DOCK3: variants seen among roughly 807,000 people sequenced by gnomAD.
The protein encoded by DOCK3 is dedicator of cytokinesis 3, also known as dedicator of cytokinesis protein 3.
A neutral mutation model predicts 265.6 loss-of-function variants in DOCK3; 60 were observed. The observed-to-expected ratio is 0.23, with a 90% CI of 0.18 to 0.28. DOCK3 has a LOEUF of 0.28. DOCK3 is among the 10% of genes least tolerant of loss of function. The pLI is 1.00. For synonymous variants in DOCK3, 881 were observed against 938.0 expected, an observed-to-expected ratio of 0.94 and a Z score of 1.11; for missense variants, 1,981 against 2,594.3, an observed-to-expected ratio of 0.76 and a Z score of 5.14.
intron 2 of DOCK3, among the ~76,000 whole-genome samples, chr3:50,782,821 G>A (rs541327692): frequency 3.3e-5 from 5 of 151,434 alleles, no homozygotes; most frequent in African/African-American, 1.2e-4. Flanking sequence ...CCCAAAGTCC[G>A]TTGTATCATG....
At chr3:50,938,895 A>AAT (rs1553708872) in intron 5 of DOCK3, among the ~76,000 whole-genome samples, 160 of 151,816 alleles carry the variant, frequency 1.1e-3, no homozygotes, top group African/African-American at 3.7e-3. Flanking sequence ...TGTAAAAAAA[A>AAT]AATAATAATA....
intron 21 of DOCK3, among the ~76,000 whole-genome samples, chr3:51,238,965 G>C (rs1046809447): frequency 1.3e-5 from 2 of 152,094 alleles, no homozygotes; most frequent in Non-Finnish European, 2.9e-5. Context: ...ATTACTTTGG[G>C]TTTATATACA....
chr3:50,971,237 G>A (rs2077224949), intron 5 of DOCK3, among the ~76,000 whole-genome samples: 1 of 151,534 alleles, frequency 6.6e-6, no homozygotes, highest in Admixed American at 6.6e-5. Flanking sequence ...TCCTTTGGGG[G>A]TGTTGTAATG....
In DOCK3 at chr3:51,350,128, C is replaced by T. The variant is rs138918488; in HGVS notation, c.4003-160C>T. 2.1e-3 allele frequency among the ~76,000 whole-genome samples: 316 copies of T among 152,252 alleles called. 3 individuals are homozygous for T. Among genetic ancestry groups the T allele is most frequent in the African/African-American group, 7.4e-3 (309 of 41,550 alleles). ...GGCTTTCTCTTCCATGATGAAACTC[C>T]CTGGAGAGAGGCTGGTCATGTCTAG... On this transcript the variant is annotated intron_variant, in intron 39 of 52. Transcript: ENST00000266037.
chr3:51,338,476 A>C (rs907018876), intron 36 of DOCK3, 57 bp downstream of exon 36: 12 of 1,543,758 alleles, frequency 7.8e-6, no homozygotes, highest in African/African-American at 6.9e-5. Flanking sequence ...TCTGTCCTGC[A>C]CTGTGATTGG....
intron 9 of DOCK3, among the ~76,000 whole-genome samples, chr3:51,101,152 C>T (rs1358344969): frequency 2.3e-5 from 3 of 127,772 alleles, no homozygotes; most frequent in African/African-American, 9.1e-5. Flanking sequence ...CTCACTCTGT[C>T]GCCCAGGCCG....
intron 46 of DOCK3, 122 bp downstream of exon 46, chr3:51,358,199 G>T (rs2086492408): frequency 1.1e-6 from 1 of 929,992 alleles, no homozygotes; most frequent in Non-Finnish European, 1.6e-6. Flanking sequence ...GGGTTGGGGA[G>T]AGAGGCTGTC....
chr3:51,316,502 T>A (rs541865378), intron 32 of DOCK3, among the ~76,000 whole-genome samples: 4 of 152,244 alleles, frequency 2.6e-5, no homozygotes, highest in Admixed American at 6.5e-5. Context: ...TTGTTGGGCC[T>A]TGTGACAAGT....
intron 2 of DOCK3, among the ~76,000 whole-genome samples, chr3:50,839,983 A>T (rs904908658): frequency 6.6e-6 from 1 of 151,286 alleles, no homozygotes; most frequent in Non-Finnish European, 1.5e-5. Flanking sequence ...TGGTCAGGCT[A>T]GTCTCAAACT....
At chr3:50,961,095 A>G (rs1230934562) in intron 5 of DOCK3, among the ~76,000 whole-genome samples, 1 of 152,200 alleles carries the variant, frequency 6.6e-6, no homozygotes, top group Non-Finnish European at 1.5e-5. Context: ...GTAGGTAAAT[A>G]TAGTAAGTGT....
chr3:51,034,513 A>G (rs1575830837), intron 5 of DOCK3, among the ~76,000 whole-genome samples: 1 of 152,122 alleles, frequency 6.6e-6, no homozygotes, highest in Admixed American at 6.5e-5. Flanking sequence ...TGTGATGAGT[A>G]TATTTATAAA....
intron 12 of DOCK3, among the ~76,000 whole-genome samples, chr3:51,198,145 G>A (rs529993878): frequency 8.5e-5 from 13 of 152,332 alleles, no homozygotes; most frequent in East Asian, 3.9e-4. Context: ...CAAAGGCTGC[G>A]TTTGAAAATG....
chr3:51,202,504 G>T (rs1430235858), intron 12 of DOCK3, among the ~76,000 whole-genome samples: 69 of 152,166 alleles, frequency 4.5e-4, no homozygotes, highest in Middle Eastern at 3.4e-3. Context: ...AATAACAGGA[G>T]CTGAAATTGT....
intron 5 of DOCK3, among the ~76,000 whole-genome samples, chr3:50,993,073 A>G (rs1413449848): frequency 1.3e-5 from 2 of 152,182 alleles, no homozygotes; most frequent in African/African-American, 2.4e-5. Flanking sequence ...CATCTCCTCA[A>G]TCCCTTGGGG....
intron 5 of DOCK3, among the ~76,000 whole-genome samples, chr3:50,982,810 G>A (rs2077742803): frequency 6.6e-6 from 1 of 152,200 alleles, no homozygotes; most frequent in African/African-American, 2.4e-5. Context: ...GCCCAGCAAG[G>A]GGACCTGGAG....
intron 1 of DOCK3, among the ~76,000 whole-genome samples, chr3:50,762,064 C>G (rs970098776): frequency 6.6e-6 from 1 of 151,992 alleles, no homozygotes; most frequent in African/African-American, 2.4e-5. Context: ...AATGAGAACA[C>G]TTGGACACAG....
intron 3 of DOCK3, 128 bp from the exon 4 acceptor site, chr3:50,889,898 T>C: frequency 1.5e-6 from 1 of 654,186 alleles, no homozygotes; most frequent in Non-Finnish European, 2.3e-6. Context: ...ATACTTAATA[T>C]GCAAAGTGGT....
chr3:51,286,481 T>C (rs566218756), intron 27 of DOCK3, among the ~76,000 whole-genome samples: 11 of 152,224 alleles, frequency 7.2e-5, no homozygotes, highest in South Asian at 2.1e-4. Flanking sequence ...TAAATTGATA[T>C]GGAATTAAAA....
At chr3:50,742,397 C>G (rs1315535067) in intron 1 of DOCK3, among the ~76,000 whole-genome samples, 1 of 151,884 alleles carries the variant, frequency 6.6e-6, no homozygotes, top group Non-Finnish European at 1.5e-5. Flanking sequence ...CAAACTACTC[C>G]GAGCTACAGG....
Sources: gnomAD v4.1 joint callset for allele counts (sites outside exome capture counted in the v4.1 genomes callset) on GRCh38, gnomAD v4.1.1 for gene constraint, MANE v1.5 for transcripts, NCBI Gene and HGNC (gene_info 2026-07-23, HGNC 2026-07-21) for gene names.